Variants in CIITA observed in about 807,000 individuals in gnomAD.
The protein encoded by CIITA is MHC class II transactivator.
A neutral mutation model predicts 115.1 loss-of-function variants in CIITA; 72 were observed. The ratio of observed to expected loss-of-function variants is 0.63; its 90% confidence interval spans 0.52 to 0.76. CIITA has a LOEUF of 0.76. Ranked by LOEUF, CIITA falls within the 30% of genes least tolerant of loss-of-function variation. The pLI, the probability that CIITA is intolerant of heterozygous loss-of-function variation, is 0.00. For synonymous variants in CIITA, 763 were observed against 635.6 expected, an observed-to-expected ratio of 1.20 and a Z score of -3.02; for missense variants, 1,617 against 1,463.8, an observed-to-expected ratio of 1.10 and a Z score of -1.71.
At chr16:10,877,778 G>T (rs984391805) in intron 1 of CIITA, among the ~76,000 whole-genome samples, 3 of 152,220 alleles carry the variant, frequency 2.0e-5, no homozygotes, top group Non-Finnish European at 2.9e-5. Context: ...ACCCAGAGAA[G>T]CAGGGAAACC....
chr16:10,942,232 G>T lies in CIITA; in HGVS notation n.1358G>T. ...CCCCCAAGGATCTCTCGACCGCCCG[G>T]GCGGCGAGGCGGGCCCCCCTGAAGT... On this transcript the variant is annotated non_coding_transcript_exon_variant, in exon 2 of 2. Transcript: ENST00000573379. The surrounding 1 kb of genome is among the most constrained non-coding windows in gnomAD (Gnocchi z 5.0). 2.6e-6 allele frequency: 1 copy of T among 379,654 alleles called. No individual in the cohort carries two copies. The highest frequency in any genetic ancestry group is 4.7e-6 in the Non-Finnish European group (1 of 213,382). The allele number at this position is 379,654 out of a possible 1,614,324, so 23.5% of individuals were successfully genotyped here. A position where few individuals can be genotyped will look rare whatever the true frequency, so the allele number is the denominator to read the frequency against.
intron 1 of CIITA, among the ~76,000 whole-genome samples, chr16:10,868,083 G>A (rs1046933638): frequency 2.6e-5 from 4 of 152,074 alleles, no homozygotes; most frequent in Admixed American, 6.6e-5. Context: ...TTCTAAAGAC[G>A]GTGTTTGTTC....
At chr16:10,880,592 G>A (rs911285317) in intron 1 of CIITA, among the ~76,000 whole-genome samples, 4 of 152,216 alleles carry the variant, frequency 2.6e-5, no homozygotes, top group Non-Finnish European at 4.4e-5. Flanking sequence ...CTCCACAAAT[G>A]CAGGGCAGGT....
intron 8 of CIITA, among the ~76,000 whole-genome samples, chr16:10,903,158 G>A (rs1241880096): frequency 1.3e-5 from 2 of 152,160 alleles, no homozygotes; most frequent in African/African-American, 2.4e-5. Flanking sequence ...AGAATTCACT[G>A]TCTCTCTCAC....
rs994619856 is a variant in CIITA, at chr16:10,920,290, C to T, written c.3149+1764C>T. Among the ~76,000 whole-genome samples, 8 of 152,170 alleles carry T rather than the reference C, an allele frequency of 5.3e-5. No homozygotes were observed. Among genetic ancestry groups the T allele is most frequent in the Non-Finnish European group, 1.2e-4 (8 of 68,030 alleles). ...TGAGACCAAGTCTCACTTTATTGCC[C>T]AGGCTAAGGTGCAGTGGCATGATCT... On this transcript the variant is annotated intron_variant, in intron 16 of 19. Coordinates refer to ENST00000324288, the MANE Select transcript of CIITA (RefSeq NM_000246.4). The surrounding 1 kb of genome is among the most constrained non-coding windows in gnomAD (Gnocchi z 4.5).
At position 10,898,159 on chromosome 16, in the gene CIITA, G is replaced by A. The variant is rs117383388; in HGVS notation, c.296-511G>A. ...ATGTCATGGTGCCTATATTCCAAGG[G>A]CTCTGAGCCATGTACCCCTTTATAT... On this transcript the variant is annotated intron_variant, in intron 3 of 19. Coordinates refer to ENST00000324288, the MANE Select transcript of CIITA (RefSeq NM_000246.4). Among the ~76,000 whole-genome samples the A allele has an allele frequency of 2.0e-3, 303 of 152,180 alleles. 5 individuals are homozygous for A. In the East Asian group the frequency reaches 0.024, roughly 12 times the overall value.
At chr16:10,893,804 T>TAAAAAAAAAAAAAAAAAAAAAAAAA (rs71136603) in intron 1 of CIITA, among the ~76,000 whole-genome samples, 1 of 32,170 alleles carries the variant, frequency 3.1e-5, no homozygotes, top group Admixed American at 6.2e-4. Flanking sequence ...GACTCCGTCT[T>TAAAAAAAAAAAAAAAAAAAAAAAAA]AAAAAAAAAA....
In CIITA at chr16:10,935,922, T is replaced by C. The variant is rs968770974; in HGVS notation, c.*12067T>C. On this transcript the variant is annotated 3_prime_UTR_variant, in exon 20 of 20. Coordinates refer to ENST00000324288, the MANE Select transcript of CIITA (RefSeq NM_000246.4). ...GAAGGCTCGAGATTAATGCAAAAGCTGATCTGGGATTGCATCTTGGACCTC... is the reference window on the plus strand; with the variant it reads ...GAAGGCTCGAGATTAATGCAAAAGCCGATCTGGGATTGCATCTTGGACCTC... 2.6e-5 allele frequency: 4 copies of C among 151,968 alleles called. No individual in the cohort carries two copies. The highest frequency in any genetic ancestry group is 9.7e-5 in the African/African-American group (4 of 41,346). 9.4% of individuals were successfully genotyped at this position (151,968 alleles called of 1,614,324 possible).
upstream of CIITA, among the ~76,000 whole-genome samples, chr16:10,875,834 C>T (rs1234294104): frequency 2.0e-5 from 3 of 152,048 alleles, no homozygotes; most frequent in East Asian, 3.8e-4. Flanking sequence ...TCATACATGG[C>T]TAATTTTTAA....
chr16:10,910,086 C>T (rs1447202424), intron 12 of CIITA, 102 bp from the exon 13 acceptor site: 1 of 941,762 alleles, frequency 1.1e-6, no homozygotes, highest in African/African-American at 1.6e-5. Context: ...AAAGCAATCC[C>T]CCTGGGGAAT....
chr16:10,930,010 A>C lies in CIITA; in HGVS notation c.*6155A>C, dbSNP rs2040711032. On this transcript the variant is annotated 3_prime_UTR_variant, in exon 20 of 20. Coordinates refer to ENST00000324288, the MANE Select transcript of CIITA (RefSeq NM_000246.4). Reference sequence around the variant, plus strand: ...AATGCTTTGCAACCTACAGGAAGGCAATAGCCACAGCCAAGTTACTCAGCA... The same window carrying C: ...AATGCTTTGCAACCTACAGGAAGGCCATAGCCACAGCCAAGTTACTCAGCA... 1 of 152,278 alleles carries C rather than the reference A, an allele frequency of 6.6e-6. No homozygotes were observed. Among genetic ancestry groups the C allele is most frequent in the Admixed American group, 6.5e-5 (1 of 15,278 alleles). The allele number at this position is 152,278 out of a possible 1,614,324, so 9.4% of individuals were successfully genotyped here.
chr16:10,882,683 G>A (rs996719677), intron 1 of CIITA, among the ~76,000 whole-genome samples: 3 of 151,886 alleles, frequency 2.0e-5, no homozygotes, highest in Non-Finnish European at 4.4e-5. Flanking sequence ...GGATCACCTG[G>A]GATCAGGAGT....
rs754504346 is a variant in CIITA at position 10,903,846 on chromosome 16, C to T, written c.888C>T (p.Asp296=). ...GCCCCTTCGCTCCATCAGCCACTGA[C>T]CTGCCCAGCATGCCTGAACCTGCCC... ...STSPFAPSAT[D]LPSMPEPALT... Residue 296 remains aspartate, a synonymous_variant, in exon 9 of 20, where the codon GAC becomes GAT. Transcript: ENST00000324288. 6.2e-7 allele frequency: 1 copy of T among 1,614,218 alleles called. No individual in the cohort carries two copies. Among genetic ancestry groups the T allele is most frequent in the Non-Finnish European group, 8.5e-7 (1 of 1,180,044 alleles).
At chr16:10,880,394 C>T (rs1293576134) in intron 1 of CIITA, among the ~76,000 whole-genome samples, 1 of 152,210 alleles carries the variant, frequency 6.6e-6, no homozygotes, top group African/African-American at 2.4e-5. Context: ...AAGTCAGAGA[C>T]ACTGGGAGGC....
intron 9 of CIITA, 143 bp downstream of exon 9, chr16:10,904,038 C>T: frequency 1.9e-6 from 2 of 1,079,974 alleles, no homozygotes; most frequent in Admixed American, 2.0e-5. Flanking sequence ...CAGGGAGGGT[C>T]TCCAGGGAGT....
Position 10,907,999 on chromosome 16 carries a change from TG to T in CIITA, c.2510del (p.Gly837AlafsTer53), listed in dbSNP as rs1490237008. ...VQELPGRLSF[L>X]GTRLTPPDAH... is the part of the protein sequence containing the mutation. ...GAGCTCCCCGGCCGCCTCTCTTTTC[TG>T]GGCACCCGCCTCACGCCTCCTGATG... On this transcript the variant is annotated frameshift_variant, in exon 11 of 20. Transcript: ENST00000324288. LOFTEE classifies it high-confidence loss of function. The surrounding 1 kb of genome is among the most constrained non-coding windows in gnomAD (Gnocchi z 5.0). The T allele has an allele frequency of 6.3e-7, 1 of 1,594,604 alleles. No individual in the cohort carries two copies.
At chr16:10,938,979 G>C (rs2041065642), downstream of CIITA, 1 of 152,210 alleles carries the variant, frequency 6.6e-6, no homozygotes, top group Non-Finnish European at 1.5e-5. The surrounding 1 kb of genome is among the most constrained non-coding windows in gnomAD (Gnocchi z 4.9). Flanking sequence ...AAGTTACACT[G>C]CTTCAAAGTC....
In CIITA at chr16:10,935,704, A is replaced by T. The variant is rs2040997041; in HGVS notation, c.*11849A>T. On this transcript the variant is annotated 3_prime_UTR_variant, in exon 20 of 20. Transcript: ENST00000324288. The stretch of plus-strand genomic sequence containing the variant: ...GGACAGATGGCATGTGCCTCTCGAT[A>T]AGATGCACTGAAGACACACACTCAC... 1 of 152,240 alleles carries T rather than the reference A, an allele frequency of 6.6e-6. No individual in the cohort carries two copies. Among genetic ancestry groups the T allele is most frequent in the African/African-American group, 2.4e-5 (1 of 41,446 alleles). 9.4% of individuals were successfully genotyped at this position (152,240 alleles called of 1,614,324 possible).
At chr16:10,874,135 C>G (rs564731178), upstream of CIITA, among the ~76,000 whole-genome samples, 97 of 152,082 alleles carry the variant, frequency 6.4e-4, no homozygotes, top group Non-Finnish European at 1.3e-3. Context: ...AGGCGTGCAC[C>G]ACCACACCTG....
Sources: allele counts gnomAD v4.1 joint callset (sites outside exome capture counted in the v4.1 genomes callset), GRCh38; gene constraint gnomAD v4.1.1; non-coding constraint Gnocchi (gnomAD v3.1); transcripts MANE v1.5; gene names NCBI Gene and HGNC (gene_info 2026-07-23, HGNC 2026-07-21).